Variants in CD38 observed in about 807,000 individuals in gnomAD.
CD38 encodes ADP-ribosyl cyclase/cyclic ADP-ribose hydrolase 1.
CD38 carries 31 observed loss-of-function variants against 36.3 expected under a neutral mutation model. The observed-to-expected ratio is 0.85, with a 90% CI of 0.64 to 1.15. CD38 has a LOEUF of 1.15. Ranked by LOEUF, CD38 falls within the 50% of genes most tolerant of loss-of-function variation. The pLI is 0.00. For missense variants in CD38, 380 were observed against 371.9 expected, an observed-to-expected ratio of 1.02 and a Z score of -0.18; for synonymous variants, 131 against 135.2, an observed-to-expected ratio of 0.97 and a Z score of 0.22.
Position 15,835,312 on chromosome 4 carries a change from T to C in CD38, c.585+1010T>C, listed in dbSNP as rs181304852. Among the ~76,000 whole-genome samples, 15 of 150,656 alleles carry C rather than the reference T, an allele frequency of 1.0e-4. No individual in the cohort carries two copies. In the East Asian group the frequency reaches 2.5e-3, roughly 26 times the overall value. The stretch of plus-strand genomic sequence containing the variant: ...ACCATCTGTTTCTGGCTTACTTCAC[T>C]TAACATAATGCCCTCCAGTTCCTTC... On this transcript the variant is annotated intron_variant, in intron 4 of 7. Coordinates refer to ENST00000226279, the MANE Select transcript of CD38 (RefSeq NM_001775.4).
intron 1 of CD38, among the ~76,000 whole-genome samples, chr4:15,791,605 C>T (rs1375746525): frequency 3.9e-4 from 36 of 91,220 alleles, no homozygotes; most frequent in South Asian, 1.0e-3. Context: ...CCCGGCCAGC[C>T]GCCCCGTCCG....
intron 1 of CD38, among the ~76,000 whole-genome samples, chr4:15,787,485 C>T (rs2148914477): frequency 6.6e-6 from 1 of 152,310 alleles, no homozygotes; most frequent in South Asian, 2.1e-4. Flanking sequence ...CACAGGGATA[C>T]TTGCAGGGAC....
chr4:15,839,800 T>C (rs1293146483), intron 5 of CD38, among the ~76,000 whole-genome samples: 1 of 152,170 alleles, frequency 6.6e-6, no homozygotes, highest in Non-Finnish European at 1.5e-5. Context: ...ATAGCAAATA[T>C]TTAAAGAATC....
chr4:15,814,472 T>G (rs1212951626), intron 1 of CD38, among the ~76,000 whole-genome samples: 1 of 152,226 alleles, frequency 6.6e-6, no homozygotes. Flanking sequence ...ATTTTGGCTT[T>G]TGTTGCCATT....
intron 1 of CD38, among the ~76,000 whole-genome samples, chr4:15,800,937 A>G (rs1473947321): frequency 6.6e-6 from 1 of 152,104 alleles, no homozygotes; most frequent in African/African-American, 2.4e-5. Context: ...TAGTAGAAGG[A>G]AGTAAATAAT....
At chr4:15,788,562 G>A (rs1722891657) in intron 1 of CD38, among the ~76,000 whole-genome samples, 1 of 152,110 alleles carries the variant, frequency 6.6e-6, no homozygotes, top group Admixed American at 6.6e-5. Flanking sequence ...GGATGAATCT[G>A]ATGGGAGGTG....
At chr4:15,825,418 G>T (rs993856554) in intron 3 of CD38, 2 of 190,892 alleles carry the variant, frequency 1.0e-5, no homozygotes, top group Admixed American at 5.5e-5. Flanking sequence ...AACTAGTAGA[G>T]TAAGAACTCA....
Position 15,840,118 on chromosome 4 carries a change from G to C in CD38, c.752G>C (p.Arg251Thr). ...ATACATGGTGGAAGAGAAGATTCCA[G>C]GTATATCTTACTACTTTGTACCCAA... Reference protein sequence around the residue: ...WVIHGGREDSRDLCQDPTIKE... With the variant: ...WVIHGGREDSTDLCQDPTIKE... The change falls in exon 6 of 8, where the codon AGA becomes ACA. Residue 251 changes from arginine (R) to threonine (T), a missense_variant and splice_region_variant. By Grantham distance (71) the Arg-to-Thr change is moderately conservative. Coordinates refer to ENST00000226279, the MANE Select transcript of CD38 (RefSeq NM_001775.4). The C allele has an allele frequency of 6.3e-7, 1 of 1,589,924 alleles. No individual in the cohort carries two copies. Among genetic ancestry groups the C allele is most frequent in the East Asian group, 2.2e-5 (1 of 44,738 alleles).
At chr4:15,841,116 T>C (rs1324638542) in intron 7 of CD38, among the ~76,000 whole-genome samples, 1 of 152,226 alleles carries the variant, frequency 6.6e-6, no homozygotes, top group Non-Finnish European at 1.5e-5. Context: ...CAGATAGATA[T>C]ATATTTTTTA....
chr4:15,824,837 T>C (rs551265296), intron 2 of CD38, 44 bp from the exon 3 acceptor site: 2 of 1,497,666 alleles, frequency 1.3e-6, no homozygotes, highest in South Asian at 1.2e-5. Context: ...TTTTTTGACA[T>C]GCTAAATTGA....
At chr4:15,788,715 A>T (rs531024635) in intron 1 of CD38, among the ~76,000 whole-genome samples, 1 of 152,360 alleles carries the variant, frequency 6.6e-6, no homozygotes, top group Admixed American at 6.5e-5. Context: ...GCTCATCACA[A>T]TTTAACATCA....
intron 1 of CD38, among the ~76,000 whole-genome samples, chr4:15,800,049 A>G (rs1181832836): frequency 1.3e-5 from 2 of 152,174 alleles, no homozygotes; most frequent in Admixed American, 1.3e-4. Context: ...AGAAAAATGT[A>G]TAAAAACAGA....
At chr4:15,818,579 C>T (rs1723658257) in intron 2 of CD38, among the ~76,000 whole-genome samples, 1 of 152,164 alleles carries the variant, frequency 6.6e-6, no homozygotes. Context: ...CAACAGGGGT[C>T]GATAGACACC....
At chr4:15,809,938 C>T (rs1723428840) in intron 1 of CD38, among the ~76,000 whole-genome samples, 1 of 152,110 alleles carries the variant, frequency 6.6e-6, no homozygotes, top group Admixed American at 6.5e-5. Flanking sequence ...ACTCGCACAA[C>T]CAAGGTGAGG....
intron 1 of CD38, among the ~76,000 whole-genome samples, chr4:15,784,015 G>A (rs552956665): frequency 3.7e-4 from 57 of 152,320 alleles, no homozygotes; most frequent in African/African-American, 1.4e-3. Context: ...TGATCTCCAG[G>A]ATCCTGCAGT....
At chr4:15,841,547 G>C (rs531377913) in intron 7 of CD38, among the ~76,000 whole-genome samples, 2 of 148,522 alleles carry the variant, frequency 1.3e-5, no homozygotes, top group Admixed American at 6.6e-5. Flanking sequence ...GCAATCTTGC[G>C]GCGGAGGAGC....
At chr4:15,822,836 T>C (rs1398214929) in intron 2 of CD38, among the ~76,000 whole-genome samples, 1 of 152,168 alleles carries the variant, frequency 6.6e-6, no homozygotes, top group Non-Finnish European at 1.5e-5. Context: ...GAAACTATTT[T>C]AAAATTCATA....
chr4:15,815,402 A>T (rs902357370), intron 1 of CD38, among the ~76,000 whole-genome samples: 24 of 152,188 alleles, frequency 1.6e-4, no homozygotes, highest in African/African-American at 5.1e-4. Context: ...ATCTATGAGC[A>T]TGGAATTTTT....
At chr4:15,832,913 C>T (rs1723988196) in intron 3 of CD38, among the ~76,000 whole-genome samples, 2 of 152,190 alleles carry the variant, frequency 1.3e-5, no homozygotes, top group South Asian at 4.1e-4. Flanking sequence ...TTGCATTGTA[C>T]TGTGACTAAG....
Sources: gnomAD v4.1 joint callset for allele counts (sites outside exome capture counted in the v4.1 genomes callset) on GRCh38, gnomAD v4.1.1 for gene constraint, MANE v1.5 for transcripts, NCBI Gene and HGNC (gene_info 2026-07-23, HGNC 2026-07-21) for gene names.